The following AFG2A variants were observed in gnomAD, a reference collection of about 807,000 sequenced individuals.
The protein encoded by AFG2A is AAA ATPase AFG2A, also known as ATPase family gene 2 protein homolog A.
chr4:122,929,576 G>A, the AFG2A span, among the ~76,000 whole-genome samples: 1 of 152,042 alleles, frequency 6.6e-6, no homozygotes, highest in African/African-American at 2.4e-5. Context: ...GTGTGTACCT[G>A]TAGTCCCAAC....
the AFG2A span, chr4:122,923,216 C>G: frequency 5.6e-6 from 9 of 1,614,220 alleles, no homozygotes; most frequent in East Asian, 2.0e-4. Context: ...TCTGCTGCTT[C>G]CTCTTGTGCG....
the AFG2A span, among the ~76,000 whole-genome samples, chr4:122,959,363 C>T: frequency 6.6e-6 from 1 of 151,834 alleles, no homozygotes; most frequent in African/African-American, 2.4e-5. Context: ...ATAATGGTTC[C>T]GAATAAAACT....
chr4:122,987,580 T>G, the AFG2A span, among the ~76,000 whole-genome samples: 1 of 152,106 alleles, frequency 6.6e-6, no homozygotes, highest in Non-Finnish European at 1.5e-5. Context: ...CCTTTGTGTA[T>G]CTATTACATG....
At chr4:123,082,290 C>T in the AFG2A span, among the ~76,000 whole-genome samples, 3 of 151,938 alleles carry the variant, frequency 2.0e-5, no homozygotes, top group East Asian at 1.9e-4. Context: ...TAATCTACTC[C>T]GAGTCAGTTT....
the AFG2A span, among the ~76,000 whole-genome samples, chr4:123,253,063 G>T: frequency 6.6e-6 from 1 of 152,174 alleles, no homozygotes; most frequent in African/African-American, 2.4e-5. Context: ...CTGTGGGCTG[G>T]GCACAGTGAC....
chr4:122,992,978 G>GTGTGTGTGTGTGTGTGTGTGTC, the AFG2A span, among the ~76,000 whole-genome samples: 1 of 134,860 alleles, frequency 7.4e-6, no homozygotes, highest in Non-Finnish European at 1.7e-5. Flanking sequence ...GTGTGTGTAT[G>GTGTGTGTGTGTGTGTGTGTGTC]TGTGTGTGTG....
the AFG2A span, among the ~76,000 whole-genome samples, chr4:123,063,767 A>G: frequency 6.6e-6 from 1 of 151,972 alleles, no homozygotes; most frequent in Non-Finnish European, 1.5e-5. Context: ...AAGAAGAAGA[A>G]GGTTTCAAGA....
At chr4:123,108,620 T>G in the AFG2A span, among the ~76,000 whole-genome samples, 2 of 152,298 alleles carry the variant, frequency 1.3e-5, no homozygotes, top group South Asian at 4.1e-4. Context: ...ATAAGCCAGT[T>G]GTAAAACGAG....
At chr4:122,975,993 T>G in the AFG2A span, among the ~76,000 whole-genome samples, 3 of 152,224 alleles carry the variant, frequency 2.0e-5, no homozygotes, top group Admixed American at 6.5e-5. Flanking sequence ...CCCTCTGTTT[T>G]GTGGAGTTTT....
the AFG2A span, among the ~76,000 whole-genome samples, chr4:123,160,193 C>T: frequency 6.6e-6 from 1 of 152,020 alleles, no homozygotes; most frequent in African/African-American, 2.4e-5. Context: ...GATTTTTACC[C>T]ACCCTAACCT....
chr4:123,245,838 T>G, the AFG2A span, among the ~76,000 whole-genome samples: 1 of 152,208 alleles, frequency 6.6e-6, no homozygotes, highest in South Asian at 2.1e-4. Context: ...TTCAAATGAA[T>G]TATTTTTTAA....
the AFG2A span, among the ~76,000 whole-genome samples, chr4:123,117,456 A>G: frequency 2.0e-5 from 3 of 149,412 alleles, no homozygotes; most frequent in Non-Finnish European, 4.4e-5. Flanking sequence ...AGTACCCATT[A>G]TGGAACCATA....
At chr4:123,057,163 TC>T in the AFG2A span, 3 of 1,598,090 alleles carry the variant, frequency 1.9e-6, no homozygotes, top group South Asian at 2.2e-5. Context: ...TACAGAATTT[TC>T]TAGTGTTTGC....
At chr4:123,190,000 G>A in the AFG2A span, among the ~76,000 whole-genome samples, 76,048 of 151,096 alleles carry the variant, frequency 0.5, 23,614 homozygotes, top group Non-Finnish European at 0.67. Flanking sequence ...GGGTCTCCCT[G>A]TGTTGCCCAG....
chr4:123,313,806 T>C, the AFG2A span: 7 of 1,296,544 alleles, frequency 5.4e-6, no homozygotes, highest in Non-Finnish European at 7.2e-6. Context: ...GTACCACAGA[T>C]GAATATTTGG....
the AFG2A span, among the ~76,000 whole-genome samples, chr4:122,981,812 T>G: frequency 6.6e-6 from 1 of 152,078 alleles, no homozygotes; most frequent in Non-Finnish European, 1.5e-5. Context: ...TGGATAGTTG[T>G]TAGAGTATAG....
the AFG2A span, among the ~76,000 whole-genome samples, chr4:123,241,463 C>A: frequency 4.6e-5 from 7 of 151,254 alleles, no homozygotes; most frequent in Admixed American, 4.6e-4. Flanking sequence ...CCCTGGGATG[C>A]AAGGCTGTTT....
the AFG2A span, among the ~76,000 whole-genome samples, chr4:122,983,181 CT>C: frequency 2.0e-5 from 3 of 151,894 alleles, no homozygotes; most frequent in South Asian, 2.1e-4. Context: ...AATCTTCTTT[CT>C]TTTTTTTATA....
the AFG2A span, among the ~76,000 whole-genome samples, chr4:123,024,282 T>G: frequency 2.5e-5 from 3 of 118,752 alleles, no homozygotes; most frequent in African/African-American, 6.0e-5. Flanking sequence ...GCACAACGGG[T>G]GATGATAACG....
Sources: allele counts gnomAD v4.1 joint callset (sites outside exome capture counted in the v4.1 genomes callset), GRCh38; gene constraint gnomAD v4.1.1; transcripts MANE v1.5; gene names NCBI Gene and HGNC (gene_info 2026-07-23, HGNC 2026-07-21).